The following DNM3 variants were observed in gnomAD, a reference collection of about 807,000 sequenced individuals.
DNM3 encodes dynamin-3.
DNM3 carries 47 observed loss-of-function variants against 101.6 expected under a neutral mutation model. The ratio of observed to expected loss-of-function variants is 0.46; its 90% CI spans 0.37 to 0.59. The LOEUF is 0.59. Among genes scored for constraint, DNM3 ranks in the 20% least tolerant of loss-of-function variants. The probability of loss-of-function intolerance (pLI) is 0.00; values close to 1 mark genes in which losing one functional copy is unlikely to be tolerated. For synonymous variants in DNM3, 385 were observed against 387.9 expected (o/e 0.99, Z 0.09); for missense variants, 849 against 1,085.7 (o/e 0.78, Z 3.06).
chr1:171,957,197 T>A (rs1240673017), intron 2 of DNM3, among the ~76,000 whole-genome samples: 4 of 143,676 alleles, frequency 2.8e-5, no homozygotes, highest in Non-Finnish European at 6.3e-5. Flanking sequence ...CTTTCTTTCT[T>A]TCTTTTTTTT....
chr1:172,344,114 A>G (rs1457270470), intron 17 of DNM3, among the ~76,000 whole-genome samples: 1 of 152,192 alleles, frequency 6.6e-6, no homozygotes, highest in Admixed American at 6.5e-5. Context: ...TCCATTGAGC[A>G]CTCAAGTTTG....
intron 2 of DNM3, among the ~76,000 whole-genome samples, chr1:171,956,775 T>C (rs1281430387): frequency 1.3e-5 from 2 of 152,196 alleles, no homozygotes; most frequent in Admixed American, 6.5e-5. Context: ...CATCCAGGCA[T>C]TTCCATACAT....
intron 15 of DNM3, among the ~76,000 whole-genome samples, chr1:172,255,758 C>T (rs2062371169): frequency 6.6e-6 from 1 of 152,084 alleles, no homozygotes; most frequent in African/African-American, 2.4e-5. Context: ...TGGCAAGGAC[C>T]TCCAGTGCAA....
At chr1:172,293,371 G>A (rs1334963749) in intron 15 of DNM3, among the ~76,000 whole-genome samples, 1 of 152,156 alleles carries the variant, frequency 6.6e-6, no homozygotes, top group Non-Finnish European at 1.5e-5. Context: ...ACGCTTAAAA[G>A]CCTTTTACCT....
At position 172,048,648 on chromosome 1, in the gene DNM3, G is replaced by A. The variant is rs199794360; in HGVS notation, c.1233G>A (p.Ala411=). The change falls in exon 10 of 21, where the codon GCG becomes GCA. Residue 411 remains alanine, a synonymous_variant. Coordinates refer to ENST00000627582, the MANE Select transcript of DNM3 (RefSeq NM_015569.5). ...GLFTPDMAFE[A]IVKKQIVKLK... is the part of the protein sequence containing the mutation. ...TTACTCCAGACATGGCATTTGAAGCGATAGTCAAGAAACAGATTGTAAAGT... is the reference window on the plus strand; with the variant it reads ...TTACTCCAGACATGGCATTTGAAGCAATAGTCAAGAAACAGATTGTAAAGT... The A allele has an allele frequency of 5.6e-4, 896 of 1,613,504 alleles. 1 individual carries two copies. Among genetic ancestry groups the A allele is most frequent in the Non-Finnish European group, 7.0e-4 (831 of 1,179,642 alleles).
At chr1:172,158,598 G>A (rs1205844360) in intron 14 of DNM3, among the ~76,000 whole-genome samples, 1 of 151,944 alleles carries the variant, frequency 6.6e-6, no homozygotes, top group Non-Finnish European at 1.5e-5. Context: ...AGGACTTTTG[G>A]TTTCTACTGA....
intron 2 of DNM3, among the ~76,000 whole-genome samples, chr1:171,966,239 G>T (rs747046932): frequency 1.3e-5 from 2 of 152,154 alleles, no homozygotes; most frequent in Non-Finnish European, 2.9e-5. Context: ...CCCTGATGGT[G>T]CCCAGTCTAC....
At chr1:172,388,257 A>G (rs1381359355) in intron 19 of DNM3, among the ~76,000 whole-genome samples, 2 of 152,158 alleles carry the variant, frequency 1.3e-5, no homozygotes, top group Non-Finnish European at 2.9e-5. Flanking sequence ...AGGAGGTTGT[A>G]GAAGACTGTG....
chr1:172,159,372 A>T (rs1463183282), intron 14 of DNM3, among the ~76,000 whole-genome samples: 1 of 152,066 alleles, frequency 6.6e-6, no homozygotes, highest in Non-Finnish European at 1.5e-5. Flanking sequence ...TTCATCTCAC[A>T]TTGAGTTATT....
intron 2 of DNM3, among the ~76,000 whole-genome samples, chr1:171,961,366 T>C (rs2043199553): frequency 6.6e-6 from 1 of 152,172 alleles, no homozygotes; most frequent in Non-Finnish European, 1.5e-5. Flanking sequence ...TCCATGTGTT[T>C]TTGACAAGGT....
chr1:172,050,152 T>A (rs2050105137), intron 10 of DNM3, among the ~76,000 whole-genome samples: 1 of 152,196 alleles, frequency 6.6e-6, no homozygotes. Context: ...AAACTTCAAG[T>A]CAGTTGCTAA....
rs149942059 is a variant in DNM3, at chr1:172,253,632, G to A, written c.1719G>A (p.Lys573=). 3.8e-6 allele frequency: 6 copies of A among 1,595,740 alleles called. No individual in the cohort carries two copies. The Admixed American group carries it at 1.0e-4, about 28-fold the overall frequency. Residue 573 remains lysine, a synonymous_variant, in exon 15 of 21, where the codon AAG becomes AAA. Transcript: ENST00000627582. ...ACCTGAAAGTTCGGGATGTGGAAAA[G>A]AGCTTTATGTCTAGCAAGCACATCT... ...LDNLKVRDVE[K]SFMSSKHIFA...
intron 13 of DNM3, among the ~76,000 whole-genome samples, chr1:172,120,359 C>T (rs115657721): frequency 0.021 from 3,247 of 152,202 alleles, 93 homozygotes; most frequent in East Asian, 0.12. Context: ...ATTCAATTAC[C>T]TCCCACTGAG....
Position 172,408,769 on chromosome 1 carries a change from C to T in DNM3, c.*928C>T, listed in dbSNP as rs538900639. 1.6e-5 allele frequency: 16 copies of T among 985,168 alleles called. No individual in the cohort carries two copies. Among genetic ancestry groups the T allele is most frequent in the Admixed American group, 1.2e-4 (2 of 16,244 alleles). 61.0% of individuals were successfully genotyped at this position (985,168 alleles called of 1,614,324 possible). ...GGTTGGAAAAAAAATTCACTCTTTA[C>T]GTGCTAATTTGTAATCTTGTTTTGT... On this transcript the variant is annotated 3_prime_UTR_variant, in exon 21 of 21. Transcript: ENST00000627582.
At chr1:172,120,222 G>T (rs1490532626) in intron 13 of DNM3, among the ~76,000 whole-genome samples, 1 of 152,178 alleles carries the variant, frequency 6.6e-6, no homozygotes, top group Non-Finnish European at 1.5e-5. Flanking sequence ...GGCAAATGAG[G>T]TTCAAAGTCA....
intron 2 of DNM3, chr1:171,970,252 CAA>C: frequency 2.1e-6 from 1 of 468,106 alleles, no homozygotes; most frequent in Non-Finnish European, 2.8e-6. Flanking sequence ...AAAGGTAAGA[CAA>C]TACATATTAA....
At chr1:172,327,191 CTT>C (rs2065971013) in intron 17 of DNM3, among the ~76,000 whole-genome samples, 1 of 152,110 alleles carries the variant, frequency 6.6e-6, no homozygotes, top group Non-Finnish European at 1.5e-5. Flanking sequence ...TTAAGAAACA[CTT>C]TGTCTAGTGA....
intron 13 of DNM3, among the ~76,000 whole-genome samples, chr1:172,097,801 T>C (rs1194325718): frequency 2.6e-5 from 4 of 151,994 alleles, no homozygotes; most frequent in Non-Finnish European, 5.9e-5. Flanking sequence ...GTCTGAGAAA[T>C]AAAGGGACAG....
intron 11 of DNM3, among the ~76,000 whole-genome samples, chr1:172,071,763 T>C (rs1422697219): frequency 2.0e-5 from 3 of 151,450 alleles, no homozygotes; most frequent in Non-Finnish European, 4.4e-5. Context: ...TCACTGCATG[T>C]TGAAGCAGTG....
Sources: gnomAD v4.1 joint callset for allele counts (sites outside exome capture counted in the v4.1 genomes callset) on GRCh38, gnomAD v4.1.1 for gene constraint, MANE v1.5 for transcripts, NCBI Gene and HGNC (gene_info 2026-07-23, HGNC 2026-07-21) for gene names.